Variants in RYR3 observed in about 807,000 individuals in gnomAD.
The protein encoded by RYR3 is ryanodine receptor 3, also known as brain ryanodine receptor-calcium release channel.
A neutral mutation model predicts 584.3 loss-of-function variants in RYR3; 207 were observed. The ratio of observed to expected loss-of-function variants is 0.35; its 90% CI spans 0.32 to 0.40. RYR3 has a LOEUF of 0.40. Ranked by LOEUF, RYR3 falls within the 10% of genes least tolerant of loss-of-function variation. The pLI, the probability that RYR3 is intolerant of heterozygous loss-of-function variation, is 1.00. For missense variants in RYR3, 5,616 were observed against 6,089.2 expected, an observed-to-expected ratio of 0.92 and a Z score of 2.59; for synonymous variants, 2,416 against 2,248.5, an observed-to-expected ratio of 1.07 and a Z score of -2.11.
At chr15:33,808,551 C>T (rs115916686) in intron 70 of RYR3, among the ~76,000 whole-genome samples, 4,515 of 152,246 alleles carry the variant, frequency 0.03, 230 homozygotes, top group African/African-American at 0.1. Flanking sequence ...TGTATACATA[C>T]GTGATATCAC....
intron 1 of RYR3, among the ~76,000 whole-genome samples, chr15:33,317,724 C>T (rs1595695199): frequency 6.6e-6 from 1 of 152,142 alleles, no homozygotes; most frequent in East Asian, 1.9e-4. Flanking sequence ...ACTGATGATG[C>T]AGTATTCCAG....
At chr15:33,692,353 G>A (rs7180314) in intron 38 of RYR3, among the ~76,000 whole-genome samples, 1 of 152,064 alleles carries the variant, frequency 6.6e-6, no homozygotes, top group Admixed American at 6.6e-5. Context: ...TTGCTTGGTG[G>A]GTCCTGGGTC....
Position 33,662,447 on chromosome 15 carries a change from T to A in RYR3, c.4917T>A (p.Asn1639Lys). 1 of 1,614,008 alleles carries A rather than the reference T, an allele frequency of 6.2e-7. No homozygotes were observed. The highest frequency in any genetic ancestry group is 8.5e-7 in the Non-Finnish European group (1 of 1,179,890). Reference protein sequence around the residue: ...YIIPITSTTRNIRLFPDESKR... With the variant: ...YIIPITSTTRKIRLFPDESKR... ...TCCCCATTACCAGCACCACCAGGAA[T>A]ATCCGCCTCTTCCCGGACGAGTCCA... Residue 1639 changes from asparagine (N) to lysine (K), a missense_variant, in exon 35 of 104, where the codon AAT (asparagine) becomes AAA (lysine). Physicochemically the swap from Asn to Lys is moderately conservative, Grantham distance 94. Around this residue, in one of 9 missense-constraint regions of RYR3, gnomAD observed 753 missense variants for 741.0 expected, o/e 1.02. Coordinates refer to ENST00000634891, the MANE Select transcript of RYR3 (RefSeq NM_001036.6).
intron 1 of RYR3, among the ~76,000 whole-genome samples, chr15:33,355,057 G>A (rs1264460203): frequency 1.3e-5 from 2 of 151,944 alleles, no homozygotes; most frequent in Non-Finnish European, 2.9e-5. Context: ...GGTGGTACAC[G>A]CCTGTAATCC....
At chr15:33,477,796 A>G in intron 2 of RYR3, among the ~76,000 whole-genome samples, 1 of 129,382 alleles carries the variant, frequency 7.7e-6, no homozygotes, top group Non-Finnish European at 1.5e-5. Flanking sequence ...AATGGCATGA[A>G]CCCGGGAGGC....
chr15:33,843,396 A>G, intron 91 of RYR3, 92 bp from the exon 92 acceptor site: 5 of 815,474 alleles, frequency 6.1e-6, no homozygotes, highest in Non-Finnish European at 1.0e-5. Context: ...TCAAGTGTGA[A>G]CTTCTAACCA....
chr15:33,600,545 A>G (rs1188953764), intron 16 of RYR3, among the ~76,000 whole-genome samples: 1 of 152,028 alleles, frequency 6.6e-6, no homozygotes, highest in Non-Finnish European at 1.5e-5. Flanking sequence ...GTGCAGGACA[A>G]GGCAGACAGA....
chr15:33,356,098 C>T lies in RYR3; in HGVS notation c.51+45002C>T, dbSNP rs75573631. 4.8e-3 allele frequency among the ~76,000 whole-genome samples: 734 copies of T among 152,184 alleles called. 4 individuals carry two copies. Among genetic ancestry groups the T allele is most frequent in the African/African-American group, 0.017 (693 of 41,504 alleles). On this transcript the variant is annotated intron_variant, in intron 1 of 103. Coordinates refer to ENST00000634891, the MANE Select transcript of RYR3 (RefSeq NM_001036.6). ...TGTGAGTATAGATTTGTGAATCATG[C>T]ATACGATGAGGTTCCATGAATCTAA... is the stretch of plus-strand genomic sequence containing the variant.
rs28733044 is a variant in RYR3 at position 33,491,794 on chromosome 15, C to T, written c.172-11837C>T. On this transcript the variant is annotated intron_variant, in intron 2 of 103. Coordinates refer to ENST00000634891, the MANE Select transcript of RYR3 (RefSeq NM_001036.6). ...CGTGGTATTTCCTGGCCAGTCCCCC[C>T]AGATACTGAGTGATGGGTTGAATTC... 3.6e-3 allele frequency among the ~76,000 whole-genome samples: 548 copies of T among 152,250 alleles called. 1 individual carries two copies. The highest frequency in any genetic ancestry group is 0.013 in the African/African-American group (529 of 41,546).
At chr15:33,775,734 C>G (rs758988221) in intron 64 of RYR3, among the ~76,000 whole-genome samples, 2 of 152,226 alleles carry the variant, frequency 1.3e-5, no homozygotes, top group African/African-American at 2.4e-5. Context: ...TTTCCCTACT[C>G]TGTTCCCATC....
At chr15:33,735,567 C>G (rs190957134) in intron 48 of RYR3, among the ~76,000 whole-genome samples, 1 of 152,270 alleles carries the variant, frequency 6.6e-6, no homozygotes, top group Non-Finnish European at 1.5e-5. Context: ...ATAGGTTCCA[C>G]TAGGTTTTTT....
intron 18 of RYR3, among the ~76,000 whole-genome samples, chr15:33,609,764 T>A (rs1413577683): frequency 4.6e-5 from 7 of 152,210 alleles, no homozygotes; most frequent in Non-Finnish European, 2.9e-5. Context: ...CTGCAAGCTT[T>A]GCTGAATTTT....
chr15:33,587,777 T>C (rs1403553566), intron 16 of RYR3, among the ~76,000 whole-genome samples: 1 of 152,230 alleles, frequency 6.6e-6, no homozygotes, highest in African/African-American at 2.4e-5. Flanking sequence ...TTAGGTACTA[T>C]TCCATTGGAT....
At chr15:33,370,725 C>A (rs2040271451) in intron 1 of RYR3, among the ~76,000 whole-genome samples, 1 of 152,130 alleles carries the variant, frequency 6.6e-6, no homozygotes, top group African/African-American at 2.4e-5. Context: ...GTAAAGCATC[C>A]AGATGAACCA....
At position 33,838,503 on chromosome 15, in the gene RYR3, A is replaced by T. The variant is rs781561832; in HGVS notation, c.12523A>T (p.Met4175Leu). ...LRKQYRNVKK[M>L]TAKELVKVLF... ...GAAGCAGTACAGGAACGTGAAAAAGATGACTGCGAAGGAGCTGGTGAAGGT... is the reference window on the plus strand; with the variant it reads ...GAAGCAGTACAGGAACGTGAAAAAGTTGACTGCGAAGGAGCTGGTGAAGGT... The change falls in exon 89 of 104, where the codon ATG becomes TTG. Residue 4175 changes from methionine (M) to leucine (L), a missense_variant. Met to Leu is a conservative substitution (Grantham distance 15). Transcript: ENST00000634891. 6.8e-6 allele frequency: 11 copies of T among 1,613,880 alleles called. No individual in the cohort carries two copies. Among genetic ancestry groups the T allele is most frequent in the Non-Finnish European group, 9.3e-6 (11 of 1,179,880 alleles).
At chr15:33,364,595 A>G (rs1239801052) in intron 1 of RYR3, among the ~76,000 whole-genome samples, 1 of 152,214 alleles carries the variant, frequency 6.6e-6, no homozygotes, top group Non-Finnish European at 1.5e-5. Context: ...GATGCATTCA[A>G]TTAAAAAGCA....
intron 46 of RYR3, among the ~76,000 whole-genome samples, chr15:33,727,766 C>G (rs1222090796): frequency 6.6e-6 from 1 of 152,168 alleles, no homozygotes; most frequent in Non-Finnish European, 1.5e-5. Context: ...CCACACTTTT[C>G]CGGTACAGTA....
chr15:33,799,703 T>TGGTCAGAAGTACA (rs1301949989), intron 67 of RYR3, among the ~76,000 whole-genome samples: 1 of 152,238 alleles, frequency 6.6e-6, no homozygotes, highest in African/African-American at 2.4e-5. Context: ...TATAGCCAGT[T>TGGTCAGAAGTACA]GGTCAGAAGT....
intron 3 of RYR3, among the ~76,000 whole-genome samples, chr15:33,513,835 G>A (rs1420593618): frequency 6.6e-6 from 1 of 152,158 alleles, no homozygotes; most frequent in Admixed American, 6.5e-5. Context: ...GTCTATCCCA[G>A]GATCAGTGTC....
Sources: allele counts gnomAD v4.1 joint callset (sites outside exome capture counted in the v4.1 genomes callset), GRCh38; gene constraint gnomAD v4.1.1; regional missense constraint gnomAD v4.1.1; transcripts MANE v1.5; gene names NCBI Gene and HGNC (gene_info 2026-07-23, HGNC 2026-07-21).